AGTPBP1: variants seen among roughly 807,000 people sequenced by gnomAD.
The protein encoded by AGTPBP1 is ATP/GTP binding carboxypeptidase 1, also known as cytosolic carboxypeptidase 1.
AGTPBP1 carries 70 observed loss-of-function variants against 143.9 expected under a neutral mutation model. The ratio of observed to expected loss-of-function variants is 0.49; its 90% CI spans 0.40 to 0.59. The LOEUF is 0.59. AGTPBP1 is among the 20% of genes least tolerant of loss of function. The pLI, the probability that AGTPBP1 is intolerant of heterozygous loss-of-function variation, is 0.00. For missense variants in AGTPBP1, 1,229 were observed against 1,464.5 expected (o/e 0.84, Z 2.62); for synonymous variants, 463 against 500.2 (o/e 0.93, Z 0.99).
At chr9:85,677,327 G>T in intron 6 of AGTPBP1, 109 bp downstream of exon 6, 2 of 993,216 alleles carry the variant, frequency 2.0e-6, no homozygotes, top group Non-Finnish European at 2.9e-6. Context: ...TGTATCCATA[G>T]AAATTTAAAA....
intron 25 of AGTPBP1, among the ~76,000 whole-genome samples, chr9:85,560,435 C>A (rs1826632927): frequency 1.3e-5 from 2 of 152,180 alleles, no homozygotes; most frequent in Non-Finnish European, 2.9e-5. Flanking sequence ...TTCAGAGAGG[C>A]TACTCACATA....
At chr9:85,573,415 G>A (rs1317772722) in intron 25 of AGTPBP1, among the ~76,000 whole-genome samples, 1 of 152,180 alleles carries the variant, frequency 6.6e-6, no homozygotes, top group Non-Finnish European at 1.5e-5. Context: ...GCTCAATGGT[G>A]CCCAGGCTGG....
intron 14 of AGTPBP1, among the ~76,000 whole-genome samples, chr9:85,631,039 A>G (rs1278615262): frequency 6.6e-6 from 1 of 152,204 alleles, no homozygotes; most frequent in Admixed American, 6.5e-5. Flanking sequence ...TACCTCTATT[A>G]GCTGATCTGG....
At chr9:85,654,764 A>AAG (rs1833388226) in intron 11 of AGTPBP1, among the ~76,000 whole-genome samples, 1 of 151,992 alleles carries the variant, frequency 6.6e-6, no homozygotes, top group Non-Finnish European at 1.5e-5. Flanking sequence ...AATTGCTTGA[A>AAG]CACGGGAGGC....
Position 85,589,520 on chromosome 9 carries a change from A to C in AGTPBP1, c.2722+8T>G. 1 of 1,597,536 alleles carries C rather than the reference A, an allele frequency of 6.3e-7. No homozygotes were observed. On this transcript the variant is annotated splice_region_variant and intron_variant, in intron 20 of 25. Transcript: ENST00000357081. ...GACTGCTATTGTGAGTTGGGAAGAC[A>C]AACTTACTGAAATGGCAGATATGTT...
chr9:85,743,625 C>G (rs1262679952), upstream of AGTPBP1, among the ~76,000 whole-genome samples: 1 of 152,118 alleles, frequency 6.6e-6, no homozygotes, highest in East Asian at 1.9e-4. Context: ...TACAGGATTT[C>G]GAAATACATA....
intron 7 of AGTPBP1, among the ~76,000 whole-genome samples, chr9:85,670,797 C>G (rs547994991): frequency 6.6e-6 from 1 of 152,252 alleles, no homozygotes; most frequent in Non-Finnish European, 1.5e-5. Context: ...AAATGTAGCT[C>G]CTAATATTTC....
At chr9:85,565,709 C>T (rs1827042055) in intron 25 of AGTPBP1, among the ~76,000 whole-genome samples, 1 of 152,142 alleles carries the variant, frequency 6.6e-6, no homozygotes, top group Non-Finnish European at 1.5e-5. Context: ...CTACTGATTC[C>T]ATATTCATCA....
At chr9:85,656,078 T>C (rs1164708411) in intron 10 of AGTPBP1, among the ~76,000 whole-genome samples, 5 of 152,280 alleles carry the variant, frequency 3.3e-5, no homozygotes, top group South Asian at 2.1e-4. Context: ...CCGCCCGCCT[T>C]GGCCTCCCAA....
At chr9:85,551,162 T>C (rs1826018235) in intron 25 of AGTPBP1, among the ~76,000 whole-genome samples, 1 of 152,172 alleles carries the variant, frequency 6.6e-6, no homozygotes, top group African/African-American at 2.4e-5. Context: ...CCATGCTTCC[T>C]GTACAGCCTG....
chr9:85,719,009 T>A (rs1837919507), intron 1 of AGTPBP1, among the ~76,000 whole-genome samples: 1 of 152,176 alleles, frequency 6.6e-6, no homozygotes, highest in Non-Finnish European at 1.5e-5. Flanking sequence ...GAGGCCTCTG[T>A]TCTGTTCCAT....
intron 8 of AGTPBP1, among the ~76,000 whole-genome samples, chr9:85,666,356 C>T (rs1218183168): frequency 6.6e-6 from 1 of 152,074 alleles, no homozygotes; most frequent in Non-Finnish European, 1.5e-5. Context: ...CTTCCTCAAT[C>T]GTCTTCCCAT....
chr9:85,729,247 C>T (rs1838721281), intron 1 of AGTPBP1, among the ~76,000 whole-genome samples: 1 of 152,118 alleles, frequency 6.6e-6, no homozygotes, highest in Non-Finnish European at 1.5e-5. Context: ...AAGATGAAAA[C>T]CACCCAAGTG....
chr9:85,605,761 T>C (rs1829952431), intron 17 of AGTPBP1, among the ~76,000 whole-genome samples: 1 of 151,998 alleles, frequency 6.6e-6, no homozygotes, highest in Non-Finnish European at 1.5e-5. Context: ...CAAATTAAAG[T>C]ATAGAGTTTT....
intron 1 of AGTPBP1, among the ~76,000 whole-genome samples, chr9:85,729,829 T>G (rs977440605): frequency 6.6e-6 from 1 of 152,138 alleles, no homozygotes; most frequent in African/African-American, 2.4e-5. Context: ...CACAGTGAAA[T>G]ATCATCACCT....
chr9:85,682,838 G>C (rs1377738799), intron 3 of AGTPBP1, among the ~76,000 whole-genome samples: 2 of 152,190 alleles, frequency 1.3e-5, no homozygotes, highest in Non-Finnish European at 2.9e-5. Flanking sequence ...TCAACTTCAT[G>C]AATCTGACAT....
intron 8 of AGTPBP1, among the ~76,000 whole-genome samples, chr9:85,663,339 C>T (rs1833949295): frequency 6.6e-6 from 1 of 151,844 alleles, no homozygotes; most frequent in Admixed American, 6.6e-5. Context: ...CACTGGAAAT[C>T]CTCATAACTC....
At chr9:85,669,611 T>C (rs1276019076) in intron 7 of AGTPBP1, 33 bp from the exon 8 acceptor site, 1 of 1,524,174 alleles carries the variant, frequency 6.6e-7, no homozygotes, top group African/African-American at 1.4e-5. Context: ...CAAAATTATT[T>C]TAAGGTTTGA....
chr9:85,738,823 G>A (rs545102474), intron 1 of AGTPBP1, among the ~76,000 whole-genome samples: 2 of 152,104 alleles, frequency 1.3e-5, no homozygotes, highest in South Asian at 4.1e-4. Context: ...GGGTCATAGT[G>A]GAATTAATCT....
Sources: allele counts gnomAD v4.1 joint callset (sites outside exome capture counted in the v4.1 genomes callset), GRCh38; gene constraint gnomAD v4.1.1; transcripts MANE v1.5; gene names NCBI Gene and HGNC (gene_info 2026-07-23, HGNC 2026-07-21).